The following PRKG1 variants were observed in gnomAD, a reference collection of about 807,000 sequenced individuals.
PRKG1 encodes the protein cGMP-dependent protein kinase 1.
PRKG1 carries 35 observed loss-of-function variants against 88.1 expected under a neutral mutation model. The ratio of observed to expected loss-of-function variants is 0.40; its 90% CI spans 0.30 to 0.53. The LOEUF is 0.53. Ranked by LOEUF, PRKG1 falls within the 20% of genes least tolerant of loss-of-function variation. The pLI is 0.59. For synonymous variants in PRKG1, 303 were observed against 292.5 expected, an observed-to-expected ratio of 1.04 and a Z score of -0.37; for missense variants, 540 against 839.8, an observed-to-expected ratio of 0.64 and a Z score of 4.41.
intron 4 of PRKG1, among the ~76,000 whole-genome samples, chr10:51,826,944 T>G (rs780771821): frequency 2.6e-5 from 4 of 152,136 alleles, no homozygotes; most frequent in Non-Finnish European, 5.9e-5. Context: ...TAGTTTCCCC[T>G]GAGGAAAAAA....
chr10:51,894,371 G>T (rs1007568812), intron 4 of PRKG1, among the ~76,000 whole-genome samples: 1 of 152,100 alleles, frequency 6.6e-6, no homozygotes, highest in Admixed American at 6.6e-5. Flanking sequence ...CAAATTCATA[G>T]AGAGAGAAAG....
chr10:52,190,928 G>T (rs1839346589), intron 9 of PRKG1, among the ~76,000 whole-genome samples: 1 of 152,064 alleles, frequency 6.6e-6, no homozygotes, highest in Non-Finnish European at 1.5e-5. Context: ...CCTTCTATAT[G>T]TATCTTCTAA....
chr10:51,835,067 A>T (rs1356631824), intron 4 of PRKG1, among the ~76,000 whole-genome samples: 1 of 152,176 alleles, frequency 6.6e-6, no homozygotes, highest in Non-Finnish European at 1.5e-5. Context: ...AGAAACTCCA[A>T]GTGTCCAGAT....
At chr10:51,292,700 T>C (rs1260123887) in intron 2 of PRKG1, among the ~76,000 whole-genome samples, 2 of 152,198 alleles carry the variant, frequency 1.3e-5, no homozygotes, top group Non-Finnish European at 2.9e-5. Flanking sequence ...TTACGTTTTA[T>C]GTTTTTCAGC....
rs1046700872 is a variant in PRKG1, at chr10:51,796,645, G to A, written c.593-7940G>A. Reference sequence around the variant, plus strand: ...TGGTTAATTTTGTGTCAGTTTGACTGGGCTAAGGGATACCCAGATAGCTGA... The same window carrying A: ...TGGTTAATTTTGTGTCAGTTTGACTAGGCTAAGGGATACCCAGATAGCTGA... On this transcript the variant is annotated intron_variant, in intron 3 of 17. Coordinates refer to ENST00000373980, the MANE Select transcript of PRKG1 (RefSeq NM_006258.4). 3.3e-5 allele frequency among the ~76,000 whole-genome samples: 5 copies of A among 152,086 alleles called. 1 individual carries two copies. Among genetic ancestry groups the A allele is most frequent in the Admixed American group, 3.3e-4 (5 of 15,250 alleles).
chr10:51,833,008 T>C (rs981258074), intron 4 of PRKG1, among the ~76,000 whole-genome samples: 1 of 152,072 alleles, frequency 6.6e-6, no homozygotes, highest in Non-Finnish European at 1.5e-5. Flanking sequence ...CAATTGAAAA[T>C]AGAAATCTAG....
chr10:51,318,705 A>T (rs138404162), intron 2 of PRKG1, among the ~76,000 whole-genome samples: 3 of 152,284 alleles, frequency 2.0e-5, no homozygotes, highest in African/African-American at 7.2e-5. Context: ...AATTTTTTTC[A>T]TAAAAATCTT....
chr10:51,944,252 G>T (rs971465852), intron 5 of PRKG1, among the ~76,000 whole-genome samples: 1 of 151,994 alleles, frequency 6.6e-6, no homozygotes, highest in Non-Finnish European at 1.5e-5. Flanking sequence ...AGAGGTGTTT[G>T]TAGTATTCTC....
intron 8 of PRKG1, among the ~76,000 whole-genome samples, chr10:52,152,120 A>G (rs1161710723): frequency 6.6e-6 from 1 of 152,194 alleles, no homozygotes; most frequent in Non-Finnish European, 1.5e-5. Flanking sequence ...TAACTCATAT[A>G]TCTTAAATTT....
chr10:51,623,018 C>A (rs1839247444), intron 3 of PRKG1, among the ~76,000 whole-genome samples: 1 of 152,144 alleles, frequency 6.6e-6, no homozygotes, highest in Non-Finnish European at 1.5e-5. Context: ...AATACCAAAA[C>A]AATACATCAC....
chr10:51,683,698 C>G (rs1002098005), intron 3 of PRKG1, among the ~76,000 whole-genome samples: 1 of 152,070 alleles, frequency 6.6e-6, no homozygotes, highest in African/African-American at 2.4e-5. Context: ...GAACCTGGAC[C>G]CTGCCATGCA....
At chr10:51,042,812 G>T (rs148668063) in intron 1 of PRKG1, among the ~76,000 whole-genome samples, 20 of 152,210 alleles carry the variant, frequency 1.3e-4, no homozygotes, top group African/African-American at 4.3e-4. Context: ...GGTATTTGGA[G>T]GTGGCGTCAT....
At position 50,991,611 on chromosome 10, in the gene PRKG1, G is replaced by C; in HGVS notation, c.233G>C (p.Arg78Pro). The change falls in exon 1 of 18, where the codon CGA becomes CCA. Residue 78 changes from arginine (R) to proline (P), a missense_variant. Physicochemically the swap from Arg to Pro is moderately radical, Grantham distance 103. Coordinates refer to the PRKG1 transcript ENST00000401604. This position sits in a 1 kb window ranked among gnomAD's most constrained non-coding sequence, Gnocchi z 4.5. ...ACGTACAGGTCCTTCCACGACCTCC[G>C]ACAGGCATTCCGGAAGTTCACCAAG... 1.3e-6 allele frequency: 2 copies of C among 1,560,748 alleles called. No individual in the cohort carries two copies. The highest frequency in any genetic ancestry group is 1.7e-6 in the Non-Finnish European group (2 of 1,155,244).
At chr10:51,473,930 A>C (rs754147050) in intron 3 of PRKG1, among the ~76,000 whole-genome samples, 1 of 151,910 alleles carries the variant, frequency 6.6e-6, no homozygotes, top group South Asian at 2.1e-4. Context: ...GTATTTATTC[A>C]ACTGATTTGA....
At chr10:51,539,906 G>A (rs2132109378) in intron 3 of PRKG1, among the ~76,000 whole-genome samples, 1 of 152,194 alleles carries the variant, frequency 6.6e-6, no homozygotes, top group African/African-American at 2.4e-5. Flanking sequence ...ATGTAAAAAA[G>A]ATTTTTAAAT....
chr10:52,027,703 G>C (rs1564436415), intron 5 of PRKG1, among the ~76,000 whole-genome samples: 1 of 152,026 alleles, frequency 6.6e-6, no homozygotes, highest in Non-Finnish European at 1.5e-5. Context: ...TAATTAAAAT[G>C]GTTTAATATA....
intron 3 of PRKG1, among the ~76,000 whole-genome samples, chr10:51,587,693 C>T (rs538349370): frequency 6.6e-6 from 1 of 152,262 alleles, no homozygotes; most frequent in South Asian, 2.1e-4. Flanking sequence ...CCATTGGCAG[C>T]ATAGTACAAG....
chr10:51,811,633 A>T (rs1328066848), intron 4 of PRKG1, among the ~76,000 whole-genome samples: 1 of 152,128 alleles, frequency 6.6e-6, no homozygotes, highest in Admixed American at 6.5e-5. Context: ...GCAAGTCTGA[A>T]ATTTTACTAT....
chr10:51,450,754 A>C (rs1381089561), intron 2 of PRKG1, among the ~76,000 whole-genome samples: 1 of 151,906 alleles, frequency 6.6e-6, no homozygotes, highest in Non-Finnish European at 1.5e-5. Context: ...CTGACCTAAG[A>C]GTGCTTTGTG....
Sources: gnomAD v4.1 joint callset for allele counts (sites outside exome capture counted in the v4.1 genomes callset) on GRCh38, gnomAD v4.1.1 for gene constraint, Gnocchi (gnomAD v3.1) non-coding constraint, MANE v1.5 for transcripts, NCBI Gene and HGNC (gene_info 2026-07-23, HGNC 2026-07-21) for gene names.